Variants in CNOT10 observed in about 807,000 individuals in gnomAD.
CNOT10 encodes the protein CCR4-NOT transcription complex subunit 10.
CNOT10 carries 30 observed loss-of-function variants against 94.6 expected under a neutral mutation model. That is an observed-to-expected ratio of 0.32 (90% CI 0.24 to 0.43). The LOEUF (loss-of-function observed/expected upper bound fraction) is 0.43, where lower values mean the gene tolerates loss of function less well. Ranked by LOEUF, CNOT10 falls within the 20% of genes least tolerant of loss-of-function variation. CNOT10 has a pLI of 1.00. For synonymous variants in CNOT10, 289 were observed against 301.6 expected (o/e 0.96, Z 0.43); for missense variants, 759 against 877.2 (o/e 0.87, Z 1.70).
At chr3:32,759,360 G>A in intron 13 of CNOT10, 98 bp from the exon 14 acceptor site, 1 of 794,276 alleles carries the variant, frequency 1.3e-6, no homozygotes, top group Non-Finnish European at 2.1e-6. Flanking sequence ...CTGGTGTCCA[G>A]ATTGTCACAG....
intron 4 of CNOT10, 28 bp downstream of exon 4, chr3:32,708,848 C>T: frequency 6.3e-7 from 1 of 1,579,312 alleles, no homozygotes; most frequent in Non-Finnish European, 8.6e-7. Flanking sequence ...TCAAAAATTT[C>T]CCTATCTTCC....
At chr3:32,747,959 A>G (rs1282237068) in intron 13 of CNOT10, among the ~76,000 whole-genome samples, 2 of 150,136 alleles carry the variant, frequency 1.3e-5, no homozygotes, top group Non-Finnish European at 3.0e-5. Flanking sequence ...CGCTCCCCCC[A>G]CCTCCAAAAA....
chr3:32,704,820 T>C lies in CNOT10; in HGVS notation c.127T>C (p.Tyr43His). Residue 43 changes from tyrosine (Y) to histidine (H), a missense_variant, in exon 3 of 19, where the codon TAT (tyrosine) becomes CAT (histidine). By Grantham distance (83) the Tyr-to-His change is moderately conservative (BLOSUM62 2). Transcript: ENST00000328834. ...NAFQAFTSGN[Y>H]DACLQHLACL... ...GGTTTTTTTTTTTTAGTCTGGAAAT[T>C]ATGATGCCTGTCTACAACACCTTGC... The C allele has an allele frequency of 1.3e-6, 2 of 1,562,278 alleles. No homozygotes were observed. The highest frequency in any genetic ancestry group is 1.7e-6 in the Non-Finnish European group (2 of 1,164,692).
At chr3:32,744,939 CTCAA>C (rs1473326645) in intron 13 of CNOT10, among the ~76,000 whole-genome samples, 3 of 152,132 alleles carry the variant, frequency 2.0e-5, no homozygotes, top group African/African-American at 7.2e-5. Context: ...AGTGCAGTGG[CTCAA>C]TCTTGGCTCA....
At chr3:32,739,149 A>G (rs915336759) in intron 13 of CNOT10, among the ~76,000 whole-genome samples, 113 of 151,812 alleles carry the variant, frequency 7.4e-4, no homozygotes, top group Non-Finnish European at 6.8e-4. Flanking sequence ...CAGGTGATCC[A>G]CCCGCCTCAG....
At chr3:32,751,799 C>G (rs1411036000) in intron 13 of CNOT10, among the ~76,000 whole-genome samples, 1 of 152,140 alleles carries the variant, frequency 6.6e-6, no homozygotes, top group Non-Finnish European at 1.5e-5. Context: ...AGAGATCCAG[C>G]CCCATTTCAG....
chr3:32,753,955 G>T, intron 13 of CNOT10: 1 of 893,832 alleles, frequency 1.1e-6, no homozygotes, highest in South Asian at 1.7e-5. Context: ...AAATTAGCTG[G>T]GCATGGAGGT....
intron 6 of CNOT10, 137 bp downstream of exon 6, chr3:32,716,448 A>T (rs914850868): frequency 6.1e-6 from 3 of 491,318 alleles, no homozygotes; most frequent in Non-Finnish European, 1.1e-5. Context: ...GAAGTATTGT[A>T]GTTTAGAAGC....
chr3:32,772,871 TTTTG>T (rs1312619926), intron 18 of CNOT10, among the ~76,000 whole-genome samples: 2 of 152,108 alleles, frequency 1.3e-5, no homozygotes, highest in African/African-American at 4.8e-5. Flanking sequence ...TTTCATTGTT[TTTTG>T]TTTGTCTTGA....
intron 8 of CNOT10, among the ~76,000 whole-genome samples, chr3:32,724,412 A>AT (rs756450071): frequency 0.046 from 4,938 of 108,122 alleles, 160 homozygotes; most frequent in African/African-American, 0.079. Flanking sequence ...CGCCCGGCTA[A>AT]TTTTTTTTTT....
In CNOT10 at chr3:32,738,816, AG is replaced by A. The variant is rs1435804549; in HGVS notation, c.1595+1327del. On this transcript the variant is annotated intron_variant, in intron 13 of 18. Coordinates refer to ENST00000328834, the MANE Select transcript of CNOT10 (RefSeq NM_015442.3). ...GTTTTATTTTTCAAGGAATTTTCTA[AG>A]TTGTCAAATTTATTGGCATAACATT... Among the ~76,000 whole-genome samples the A allele has an allele frequency of 2.0e-5, 3 of 151,404 alleles. No homozygotes were observed. In the East Asian group the frequency reaches 5.8e-4, roughly 29 times the overall value.
At chr3:32,700,933 C>A (rs866248880) in intron 1 of CNOT10, among the ~76,000 whole-genome samples, 1 of 152,072 alleles carries the variant, frequency 6.6e-6, no homozygotes, top group Non-Finnish European at 1.5e-5. Flanking sequence ...TAAAAGGCAT[C>A]TTTTAAAAAC....
chr3:32,720,891 T>TTTCCTTCCTTCCTTCC (rs745348303), intron 8 of CNOT10, among the ~76,000 whole-genome samples: 56 of 107,368 alleles, frequency 5.2e-4, no homozygotes, highest in African/African-American at 2.0e-3. Flanking sequence ...TTTTCCTTCT[T>TTTCCTTCCTTCCTTCC]TTCCTTCCTT....
intron 13 of CNOT10, among the ~76,000 whole-genome samples, 166 bp from the exon 14 acceptor site, chr3:32,759,292 T>C (rs912429447): frequency 1.3e-5 from 2 of 152,188 alleles, no homozygotes; most frequent in African/African-American, 4.8e-5. Flanking sequence ...TGTTTCAGAA[T>C]TGTTTTATAC....
chr3:32,764,746 C>T lies in CNOT10; in HGVS notation c.1941C>T (p.Phe647=). 6.2e-7 allele frequency: 1 copy of T among 1,614,140 alleles called. No individual in the cohort carries two copies. Among genetic ancestry groups the T allele is most frequent in the Middle Eastern group, 1.6e-4 (1 of 6,062 alleles). ...ACTCTGCCAGGACTGTGATGCTGTT[C>T]AACCTTGGCAGCGCTTACTGCCTGA... ...SVNSARTVML[F]NLGSAYCLRS... The change falls in exon 17 of 19, where the codon TTC becomes TTT. Residue 647 remains phenylalanine (F), a synonymous_variant. Transcript: ENST00000328834.
chr3:32,690,836 C>T lies in CNOT10; in HGVS notation c.22+5354C>T, dbSNP rs112056089. The stretch of plus-strand genomic sequence containing the variant: ...TGCTGGGATTACAGGCATGAGCCAC[C>T]GCGCCCAGACTTATTTGGTATTTTT... On this transcript the variant is annotated intron_variant, in intron 1 of 18. Transcript: ENST00000328834. 7.3e-3 allele frequency among the ~76,000 whole-genome samples: 1,115 copies of T among 152,020 alleles called. 5 individuals carry two copies. Among genetic ancestry groups the T allele is most frequent in the Non-Finnish European group, 0.013 (854 of 67,976 alleles).
Position 32,736,166 on chromosome 3 carries a change from A to G in CNOT10, c.1514+1190A>G, listed in dbSNP as rs113091291. Reference sequence around the variant, plus strand: ...AGTGGCACGATCTCAACTCACTGCAACCTCCACCTCACAGGCTCAAGCGAT... The same window carrying G: ...AGTGGCACGATCTCAACTCACTGCAGCCTCCACCTCACAGGCTCAAGCGAT... On this transcript the variant is annotated intron_variant, in intron 12 of 18. Coordinates refer to ENST00000328834, the MANE Select transcript of CNOT10 (RefSeq NM_015442.3). 2.5e-3 allele frequency among the ~76,000 whole-genome samples: 373 copies of G among 151,928 alleles called. 3 individuals carry two copies. Among genetic ancestry groups the G allele is most frequent in the African/African-American group, 8.5e-3 (351 of 41,412 alleles).
chr3:32,723,736 A>G (rs1698525985), intron 8 of CNOT10, among the ~76,000 whole-genome samples: 1 of 152,206 alleles, frequency 6.6e-6, no homozygotes, highest in Non-Finnish European at 1.5e-5. Context: ...GAAGGTTTCT[A>G]TAACATGTAA....
intron 12 of CNOT10, among the ~76,000 whole-genome samples, chr3:32,735,264 G>C (rs1699133860): frequency 6.6e-6 from 1 of 151,894 alleles, no homozygotes; most frequent in Non-Finnish European, 1.5e-5. Flanking sequence ...AAAATTGCTT[G>C]AACCCAGGAG....
Sources: gnomAD v4.1 joint callset for allele counts (sites outside exome capture counted in the v4.1 genomes callset) on GRCh38, gnomAD v4.1.1 for gene constraint, MANE v1.5 for transcripts, NCBI Gene and HGNC (gene_info 2026-07-23, HGNC 2026-07-21) for gene names.